Variants in TTC7A observed in about 807,000 individuals in gnomAD.
TTC7A encodes tetratricopeptide repeat protein 7A.
In TTC7A, 110 loss-of-function variants were observed where a neutral mutation model predicts 103.7. That is an observed-to-expected ratio of 1.06 (90% CI 0.91 to 1.24). The LOEUF (loss-of-function observed/expected upper bound fraction) is 1.24. TTC7A is among the 50% of genes most tolerant of loss of function. The probability of loss-of-function intolerance (pLI) is 0.00; values close to 1 mark genes in which losing one functional copy is unlikely to be tolerated. For synonymous variants in TTC7A, 521 were observed against 467.9 expected, an observed-to-expected ratio of 1.11 and a Z score of -1.47; for missense variants, 1,340 against 1,116.3, an observed-to-expected ratio of 1.20 and a Z score of -2.86.
At chr2:46,954,460 A>C (rs1671670353) in intron 2 of TTC7A, among the ~76,000 whole-genome samples, 1 of 152,174 alleles carries the variant, frequency 6.6e-6, no homozygotes, top group South Asian at 2.1e-4. Context: ...ATTAAGAAGC[A>C]AAAAATAGCA....
chr2:46,964,747 G>T (rs1028128210), intron 3 of TTC7A, among the ~76,000 whole-genome samples: 10 of 152,172 alleles, frequency 6.6e-5, no homozygotes, highest in Non-Finnish European at 1.2e-4. Context: ...AGCCCGTTCA[G>T]CCTCCCCAAG....
At chr2:46,959,649 C>T (rs926058840) in intron 3 of TTC7A, among the ~76,000 whole-genome samples, 3 of 152,222 alleles carry the variant, frequency 2.0e-5, no homozygotes, top group African/African-American at 7.2e-5. Context: ...CCTCTTTCCC[C>T]ATCAGAGCAG....
At chr2:46,960,277 G>C (rs563684841) in intron 3 of TTC7A, among the ~76,000 whole-genome samples, 2 of 152,330 alleles carry the variant, frequency 1.3e-5, no homozygotes, top group South Asian at 4.1e-4. Context: ...GCCCTGTTCT[G>C]TGGTCAGCTG....
chr2:46,917,799 G>A (rs938608514), intron 2 of TTC7A, among the ~76,000 whole-genome samples: 1 of 152,134 alleles, frequency 6.6e-6, no homozygotes, highest in Non-Finnish European at 1.5e-5. Flanking sequence ...TCTCAACACT[G>A]TTTTATCAAA....
intron 12 of TTC7A, 33 bp downstream of exon 12, chr2:47,022,012 G>T: frequency 6.5e-7 from 1 of 1,541,726 alleles, no homozygotes. Context: ...CCTCTACTTG[G>T]GGATGGCTCA....
chr2:46,971,687 C>T (rs1379544901), intron 3 of TTC7A, among the ~76,000 whole-genome samples: 2 of 151,726 alleles, frequency 1.3e-5, no homozygotes, highest in Non-Finnish European at 2.9e-5. Context: ...GTTTGAAGTG[C>T]TGAGGACTTG....
Position 47,074,029 on chromosome 2 carries a change from A to C in TTC7A, c.*106A>C. On this transcript the variant is annotated 3_prime_UTR_variant, in exon 20 of 20. Coordinates refer to ENST00000319190, the MANE Select transcript of TTC7A (RefSeq NM_020458.4). Reference sequence around the variant, plus strand: ...GCATCAGGTGCGGGGCCTCAGGGAAATACATCTTTAGTGAACGCCTCTGCA... The same window carrying C: ...GCATCAGGTGCGGGGCCTCAGGGAACTACATCTTTAGTGAACGCCTCTGCA... 1 of 838,736 alleles carries C rather than the reference A, an allele frequency of 1.2e-6. No homozygotes were observed. The highest frequency in any genetic ancestry group is 2.7e-5 in the East Asian group (1 of 37,354). The allele number at this position is 838,736 out of a possible 1,614,324, so 52.0% of individuals were successfully genotyped here.
rs1322364885 is a variant in TTC7A at position 47,060,859 on chromosome 2, T to G, written c.2243T>G (p.Leu748Arg). The change falls in exon 19 of 20, where the codon CTC becomes CGC. Residue 748 changes from leucine (L) to arginine (R), a missense_variant. Physicochemically the swap from Leu to Arg is moderately radical, Grantham distance 102. Coordinates refer to ENST00000319190, the MANE Select transcript of TTC7A (RefSeq NM_020458.4). ...AGLFPTSHSV[L>R]YMRGRLAEVK... ...CTCTTCCCCACTTCTCACTCAGTAC[T>G]CTATATGCGGGGCCGGCTGGCTGAG... 1 of 1,614,030 alleles carries G rather than the reference T, an allele frequency of 6.2e-7. No individual in the cohort carries two copies. The highest frequency in any genetic ancestry group is 1.7e-5 in the Admixed American group (1 of 60,010).
At chr2:47,062,391 AC>A (rs1203487210) in intron 19 of TTC7A, among the ~76,000 whole-genome samples, 31 of 152,366 alleles carry the variant, frequency 2.0e-4, no homozygotes, top group South Asian at 1.0e-3. Flanking sequence ...CCGTGCAGCC[AC>A]CATACACCCT....
At chr2:47,069,368 C>G (rs1684468045) in intron 19 of TTC7A, among the ~76,000 whole-genome samples, 1 of 152,172 alleles carries the variant, frequency 6.6e-6, no homozygotes, top group East Asian at 1.9e-4. Flanking sequence ...TCTTCTACAT[C>G]TCACTTGTAA....
Position 47,007,348 on chromosome 2 carries a change from A to G in TTC7A, c.1287+624A>G, listed in dbSNP as rs561194463. On this transcript the variant is annotated intron_variant, in intron 10 of 19. Coordinates refer to ENST00000319190, the MANE Select transcript of TTC7A (RefSeq NM_020458.4). The surrounding 1 kb of genome is among the most constrained non-coding windows in gnomAD (Gnocchi z 4.9). ...ATCACCCCTGCTTTTTGCTCCGATC[A>G]GAATTATACTTACATAAGCCTCTAT... Among the ~76,000 whole-genome samples, 91 of 152,294 alleles carry G rather than the reference A, an allele frequency of 6.0e-4. No homozygotes were observed. Among genetic ancestry groups the G allele is most frequent in the African/African-American group, 2.1e-3 (86 of 41,566 alleles).
At chr2:47,071,054 C>G (rs548079025) in intron 19 of TTC7A, 2 of 152,430 alleles carry the variant, frequency 1.3e-5, no homozygotes, top group South Asian at 4.1e-4. Flanking sequence ...CCCAGGAGGC[C>G]TGTTCTCTGG....
At position 46,942,758 on chromosome 2, in the gene TTC7A, C is replaced by T. The variant is rs565997214; in HGVS notation, c.184+1033C>T. Among the ~76,000 whole-genome samples the T allele has an allele frequency of 2.7e-4, 41 of 152,328 alleles. 3 individuals carry two copies. The South Asian group carries it at 8.1e-3, about 30-fold the overall frequency. On this transcript the variant is annotated intron_variant, in intron 1 of 19. Coordinates refer to ENST00000319190, the MANE Select transcript of TTC7A (RefSeq NM_020458.4). Reference sequence around the variant, plus strand: ...GTTTCTGAGTACATCCTTTAAATCACTTGCACTATTACCTCTCAAAGATGT... The same window carrying T: ...GTTTCTGAGTACATCCTTTAAATCATTTGCACTATTACCTCTCAAAGATGT...
intron 3 of TTC7A, among the ~76,000 whole-genome samples, chr2:46,968,048 C>T (rs546615176): frequency 6.6e-6 from 1 of 152,210 alleles, no homozygotes; most frequent in African/African-American, 2.4e-5. Flanking sequence ...TGTTTTCTAC[C>T]TCTGCATCCA....
chr2:47,005,301 TG>T (rs1025597238), intron 8 of TTC7A, among the ~76,000 whole-genome samples: 2 of 152,114 alleles, frequency 1.3e-5, no homozygotes, highest in Non-Finnish European at 2.9e-5. Flanking sequence ...AAGAGGGCAC[TG>T]GGGGCCACAG....
At chr2:47,002,506 G>A (rs1004878089) in intron 8 of TTC7A, among the ~76,000 whole-genome samples, 1 of 152,120 alleles carries the variant, frequency 6.6e-6, no homozygotes, top group African/African-American at 2.4e-5. Context: ...GGGAAAGAGT[G>A]TGGCTGGGAC....
At chr2:46,993,556 T>C in intron 6 of TTC7A, 28 bp downstream of exon 6, 1 of 1,609,522 alleles carries the variant, frequency 6.2e-7, no homozygotes, top group Non-Finnish European at 8.5e-7. Context: ...CAGTGCTGGC[T>C]TATTTAGGAG....
Position 47,024,288 on chromosome 2 carries a change from G to A in TTC7A, c.1570G>A (p.Ala524Thr). The change falls in exon 14 of 20, where the codon GCT becomes ACT. Residue 524 changes from alanine (A) to threonine (T), a missense_variant and splice_region_variant. Ala to Thr is a moderately conservative substitution (Grantham distance 58). Transcript: ENST00000319190. ...HRKALQTLER[A>T]QQLAPSDPQV... ...TTGTCACTCCCTCTCCCCACACAGGGCTCAGCAGCTGGCGCCCAGTGACCC... is the reference window on the plus strand; with the variant it reads ...TTGTCACTCCCTCTCCCCACACAGGACTCAGCAGCTGGCGCCCAGTGACCC... The A allele has an allele frequency of 1.9e-6, 3 of 1,603,904 alleles. No homozygotes were observed. The highest frequency in any genetic ancestry group is 2.6e-6 in the Non-Finnish European group (3 of 1,174,966).
At chr2:46,949,480 G>A (rs945048370) in intron 1 of TTC7A, among the ~76,000 whole-genome samples, 8 of 152,230 alleles carry the variant, frequency 5.3e-5, no homozygotes, top group Non-Finnish European at 1.0e-4. Context: ...TGATCTGCCT[G>A]CCTTGGGCTC....
Sources: allele counts gnomAD v4.1 joint callset (sites outside exome capture counted in the v4.1 genomes callset), GRCh38; gene constraint gnomAD v4.1.1; non-coding constraint Gnocchi (gnomAD v3.1); transcripts MANE v1.5; gene names NCBI Gene and HGNC (gene_info 2026-07-23, HGNC 2026-07-21).